Variants in TRAM1 observed in about 807,000 individuals in gnomAD.
The protein encoded by TRAM1 is translocating chain-associated membrane protein 1.
In TRAM1, 17 loss-of-function variants were observed where a neutral mutation model predicts 48.7. That is an observed-to-expected ratio of 0.35 (90% confidence interval 0.24 to 0.52). The LOEUF (loss-of-function observed/expected upper bound fraction) is 0.52, where lower values mean the gene tolerates loss of function less well. Among genes scored for constraint, TRAM1 ranks in the 20% least tolerant of loss-of-function variants. The probability of loss-of-function intolerance (pLI) is 0.94; values close to 1 mark genes in which losing one functional copy is unlikely to be tolerated. For missense variants in TRAM1, 351 were observed against 441.5 expected, an observed-to-expected ratio of 0.79 and a Z score of 1.84; for synonymous variants, 182 against 154.0, an observed-to-expected ratio of 1.18 and a Z score of -1.34.
chr8:70,608,143 G>C lies in TRAM1; in HGVS notation c.57C>G (p.Val19=), dbSNP rs1208475181. Residue 19 remains valine, a synonymous_variant, in exon 1 of 11, where the codon GTC becomes GTG. Coordinates refer to ENST00000262213, the MANE Select transcript of TRAM1 (RefSeq NM_014294.6). The part of the protein sequence containing the change: ...KSPPVLSHEF[V]LQNHADIVSC... ...AGACGATGTCCGCGTGATTCTGCAGGACGAATTCGTGGCTCAGCACTGGGG... is the reference window on the plus strand; with the variant it reads ...AGACGATGTCCGCGTGATTCTGCAGCACGAATTCGTGGCTCAGCACTGGGG... 1 of 1,599,846 alleles carries C rather than the reference G, an allele frequency of 6.3e-7. No individual in the cohort carries two copies. The highest frequency in any genetic ancestry group is 1.4e-5 in the African/African-American group (1 of 72,996).
chr8:70,603,155 G>T (rs140920604), intron 1 of TRAM1, among the ~76,000 whole-genome samples: 1 of 152,166 alleles, frequency 6.6e-6, no homozygotes, highest in East Asian at 1.9e-4. Flanking sequence ...TGAGTCTCCA[G>T]GGCAACACTA....
chr8:70,606,685 C>T (rs766077009), intron 1 of TRAM1, among the ~76,000 whole-genome samples: 10 of 152,200 alleles, frequency 6.6e-5, no homozygotes, highest in Middle Eastern at 3.4e-3. Context: ...CTTCTACCTA[C>T]CCTTTAACTA....
intron 4 of TRAM1, 23 bp from the exon 5 acceptor site, chr8:70,596,344 T>C (rs1207255566): frequency 2.6e-6 from 4 of 1,560,964 alleles, no homozygotes; most frequent in South Asian, 2.4e-5. Context: ...ATATAAAAAT[T>C]AACCTGTGAG....
At chr8:70,588,804 A>T (rs1817284968) in intron 6 of TRAM1, among the ~76,000 whole-genome samples, 1 of 152,306 alleles carries the variant, frequency 6.6e-6, no homozygotes. Context: ...CTCATTTCTA[A>T]TTTCCTTTGT....
chr8:70,577,309 C>G (rs903928574), intron 10 of TRAM1, among the ~76,000 whole-genome samples: 30 of 152,306 alleles, frequency 2.0e-4, no homozygotes, highest in African/African-American at 6.7e-4. Context: ...AAGGGGTGGG[C>G]CCTGGTGAAG....
rs553401846 is a variant in TRAM1 at position 70,574,322 on chromosome 8, C to T, written c.*610G>A. The T allele has an allele frequency of 5.2e-5, 18 of 344,248 alleles. No individual in the cohort carries two copies. The East Asian group carries it at 5.9e-4, about 11-fold the overall frequency. 21.3% of individuals were successfully genotyped at this position (344,248 alleles called of 1,614,324 possible). A position where few individuals can be genotyped will look rare whatever the true frequency, so the allele number is the denominator to read the frequency against. ...TAATATGTATGTTAGTAAAACTCCA[C>T]GTGTTGTAACGATTATTATGTTTTT... On this transcript the variant is annotated 3_prime_UTR_variant, in exon 11 of 11. Transcript: ENST00000262213.
At chr8:70,581,913 C>A (rs1292518359) in intron 10 of TRAM1, among the ~76,000 whole-genome samples, 1 of 152,122 alleles carries the variant, frequency 6.6e-6, no homozygotes, top group Non-Finnish European at 1.5e-5. Context: ...AAAGGCCAAT[C>A]CTTAGAGACA....
intron 1 of TRAM1, among the ~76,000 whole-genome samples, chr8:70,605,778 T>C (rs1278875352): frequency 2.6e-5 from 4 of 152,228 alleles, no homozygotes; most frequent in Non-Finnish European, 1.5e-5. Flanking sequence ...TTGAATTGAC[T>C]TAAAAACCTC....
In TRAM1 at chr8:70,608,107, C is replaced by T. The variant is rs1817791919; in HGVS notation, c.93G>A (p.Ala31=). 2 of 1,598,142 alleles carry T rather than the reference C, an allele frequency of 1.3e-6. No homozygotes were observed. The highest frequency in any genetic ancestry group is 1.4e-5 in the African/African-American group (1 of 72,852). The change falls in exon 1 of 11, where the codon GCG becomes GCA. Residue 31 remains alanine (A), a synonymous_variant. Coordinates refer to ENST00000262213, the MANE Select transcript of TRAM1 (RefSeq NM_014294.6). ...ACATGAGCCCCAGCAGGAAGACCAT[C>T]GCCACACAGGAGACGATGTCCGCGT... ...QNHADIVSCV[A]MVFLLGLMFE...
chr8:70,608,373 G>GAAAAA lies in TRAM1; in HGVS notation c.-179_-175dup. 2.7e-6 allele frequency: 1 copy of GAAAAA among 374,220 alleles called. No homozygotes were observed. Among genetic ancestry groups the GAAAAA allele is most frequent in the Non-Finnish European group, 4.4e-6 (1 of 227,330 alleles). The allele number at this position is 374,220 out of a possible 1,614,324, so 23.2% of individuals were successfully genotyped here. ...TACGCAGCCGCCGGGCCGCCCGGGG[G>GAAAAA]AAAAAAAAAAACACAACAGCTAGCC... On this transcript the variant is annotated 5_prime_UTR_variant, in exon 1 of 11. Coordinates refer to ENST00000262213, the MANE Select transcript of TRAM1 (RefSeq NM_014294.6).
chr8:70,588,802 T>C (rs760318137), intron 6 of TRAM1, among the ~76,000 whole-genome samples: 3 of 152,258 alleles, frequency 2.0e-5, no homozygotes, highest in African/African-American at 7.2e-5. Flanking sequence ...ACCTCATTTC[T>C]AATTTCCTTT....
At chr8:70,583,930 T>C in intron 8 of TRAM1, 137 bp from the exon 9 acceptor site, 1 of 987,974 alleles carries the variant, frequency 1.0e-6, no homozygotes, top group Admixed American at 3.6e-5. Context: ...GGAGAATTGC[T>C]TGAAACCAGA....
At chr8:70,583,358 T>TA (rs780114250) in intron 9 of TRAM1, 34 bp from the exon 10 acceptor site, 1 of 1,593,886 alleles carries the variant, frequency 6.3e-7, no homozygotes, top group South Asian at 1.1e-5. Context: ...AGTTAGTGTA[T>TA]AAAAAACAAT....
chr8:70,583,516 G>C, intron 9 of TRAM1, 134 bp downstream of exon 9: 1 of 1,333,906 alleles, frequency 7.5e-7, no homozygotes, highest in Non-Finnish European at 1.0e-6. Context: ...AAATAGCAAC[G>C]GGTATGAAAT....
chr8:70,607,800 G>GT, intron 1 of TRAM1: 1 of 260,232 alleles, frequency 3.8e-6, no homozygotes, highest in Non-Finnish European at 7.1e-6. Flanking sequence ...GCGGGAGGGG[G>GT]CGGCGGCGGG....
chr8:70,587,851 T>C (rs1028521951), intron 6 of TRAM1, among the ~76,000 whole-genome samples: 2 of 152,220 alleles, frequency 1.3e-5, no homozygotes, highest in Non-Finnish European at 2.9e-5. Flanking sequence ...TTTTTACTTC[T>C]TTTTTTCTCC....
rs1464933323 is a variant in TRAM1 at position 70,598,126 on chromosome 8, A to G, written c.309+8T>C. 1.9e-6 allele frequency: 3 copies of G among 1,609,582 alleles called. No homozygotes were observed. Among genetic ancestry groups the G allele is most frequent in the Non-Finnish European group, 2.5e-6 (3 of 1,177,850 alleles). On this transcript the variant is annotated splice_region_variant and intron_variant, in intron 3 of 10. Coordinates refer to ENST00000262213, the MANE Select transcript of TRAM1 (RefSeq NM_014294.6). Reference sequence around the variant, plus strand: ...ATAAAGTATAGATTTCTAAGACTGCATACTTACATCCAACATATACTCTTG... The same window carrying G: ...ATAAAGTATAGATTTCTAAGACTGCGTACTTACATCCAACATATACTCTTG...
chr8:70,577,367 C>G (rs543563626), intron 10 of TRAM1, among the ~76,000 whole-genome samples: 8 of 152,286 alleles, frequency 5.3e-5, no homozygotes, highest in African/African-American at 1.9e-4. Context: ...GGCCAGGCCA[C>G]CAGTTCCATG....
At chr8:70,599,511 A>G (rs1277795560) in intron 2 of TRAM1, among the ~76,000 whole-genome samples, 2 of 152,230 alleles carry the variant, frequency 1.3e-5, no homozygotes, top group Admixed American at 1.3e-4. Context: ...AATAGTTTGG[A>G]TGCTATTACC....
Sources: allele counts gnomAD v4.1 joint callset (sites outside exome capture counted in the v4.1 genomes callset), GRCh38; gene constraint gnomAD v4.1.1; transcripts MANE v1.5; gene names NCBI Gene and HGNC (gene_info 2026-07-23, HGNC 2026-07-21).